BICDL1: variants seen among roughly 807,000 people sequenced by gnomAD.
BICDL1 encodes BICD family-like cargo adapter 1.
Under a neutral mutation model 76.8 loss-of-function variants are expected in BICDL1, and 20 were observed. The ratio of observed to expected loss-of-function variants is 0.26; its 90% CI spans 0.18 to 0.38. The LOEUF (loss-of-function observed/expected upper bound fraction) is 0.38. Ranked by LOEUF, BICDL1 falls within the 10% of genes least tolerant of loss-of-function variation. BICDL1 has a pLI of 1.00. For missense variants in BICDL1, 700 were observed against 798.6 expected (o/e 0.88, Z 1.49); for synonymous variants, 383 against 337.1 (o/e 1.14, Z -1.49).
intron 1 of BICDL1, among the ~76,000 whole-genome samples, chr12:119,996,288 C>T (rs1951644054): frequency 6.6e-6 from 1 of 152,142 alleles, no homozygotes; most frequent in Admixed American, 6.5e-5. Flanking sequence ...CTTTTGACTG[C>T]TCTCAATCAT....
chr12:120,092,563 G>A, intron 9 of BICDL1: 3 of 985,474 alleles, frequency 3.0e-6, no homozygotes, highest in Middle Eastern at 5.2e-4. Flanking sequence ...TTGGGCTGGG[G>A]AGCTGTTAAG....
intron 2 of BICDL1, among the ~76,000 whole-genome samples, chr12:120,026,863 T>C (rs910966547): frequency 6.6e-6 from 1 of 152,090 alleles, no homozygotes; most frequent in African/African-American, 2.4e-5. Context: ...TGACAAAGAC[T>C]TGGCAGTATA....
chr12:120,083,142 C>A (rs909917027), intron 8 of BICDL1, among the ~76,000 whole-genome samples: 2 of 152,194 alleles, frequency 1.3e-5, no homozygotes, highest in Non-Finnish European at 2.9e-5. Flanking sequence ...GGATTACAGG[C>A]ATGAGCCACC....
At chr12:120,013,563 G>A (rs1399011746) in intron 2 of BICDL1, among the ~76,000 whole-genome samples, 1 of 150,798 alleles carries the variant, frequency 6.6e-6, no homozygotes, top group Admixed American at 6.6e-5. Context: ...CTGGGTTCAA[G>A]TGATTCTCCT....
At chr12:120,017,299 A>T (rs895491699) in intron 2 of BICDL1, among the ~76,000 whole-genome samples, 1 of 152,182 alleles carries the variant, frequency 6.6e-6, no homozygotes, top group Non-Finnish European at 1.5e-5. Context: ...TATTAACATG[A>T]TGTGTTCAGT....
chr12:120,009,641 A>G (rs935569824), intron 2 of BICDL1, among the ~76,000 whole-genome samples: 5 of 152,084 alleles, frequency 3.3e-5, no homozygotes, highest in African/African-American at 9.7e-5. Context: ...GGGGCCCCCA[A>G]ATTTTGTACT....
At chr12:120,053,189 A>T (rs545169706) in intron 2 of BICDL1, among the ~76,000 whole-genome samples, 50 of 151,946 alleles carry the variant, frequency 3.3e-4, no homozygotes, top group Non-Finnish European at 6.2e-4. Context: ...AAGCGAAGCA[A>T]TTCTCCTGCC....
At chr12:119,990,986 ATTACT>A (rs1386401495) in intron 1 of BICDL1, among the ~76,000 whole-genome samples, 1 of 152,238 alleles carries the variant, frequency 6.6e-6, no homozygotes, top group Non-Finnish European at 1.5e-5. Flanking sequence ...TGAGAACCAT[ATTACT>A]TTAACTTCTG....
rs1474232687 is a variant in BICDL1 at position 119,989,864 on chromosome 12, G to T, written c.-5G>T. On this transcript the variant is annotated 5_prime_UTR_variant, in exon 1 of 10. Transcript: ENST00000548673. ...GCACCGCTGCGGGCTCCGCGCGCGC[G>T]GGCCATGTCCGCTTTCTGCCTGGGC... 7.4e-6 allele frequency: 10 copies of T among 1,350,648 alleles called. No homozygotes were observed. The South Asian group carries it at 1.5e-4, about 20-fold the overall frequency. The allele number at this position is 1,350,648 out of a possible 1,614,324, so 83.7% of individuals were successfully genotyped here. A position where few individuals can be genotyped will look rare whatever the true frequency, so the allele number is the denominator to read the frequency against.
chr12:120,085,020 G>T (rs561421402), intron 8 of BICDL1, among the ~76,000 whole-genome samples: 31 of 151,272 alleles, frequency 2.0e-4, no homozygotes, highest in Non-Finnish European at 3.1e-4. Flanking sequence ...TTTTCTTTCT[G>T]GTCAGAACCT....
chr12:120,061,126 T>A (rs975486473), intron 2 of BICDL1, among the ~76,000 whole-genome samples: 1 of 152,172 alleles, frequency 6.6e-6, no homozygotes, highest in African/African-American at 2.4e-5. Context: ...CATAAATGGA[T>A]TGAGGTGGGA....
chr12:120,004,836 T>G (rs1023464155), intron 2 of BICDL1, among the ~76,000 whole-genome samples: 5 of 152,196 alleles, frequency 3.3e-5, no homozygotes, highest in African/African-American at 1.2e-4. Flanking sequence ...TTTGTTTGTT[T>G]CTGAGACGGA....
Position 119,994,620 on chromosome 12 carries a change from G to A in BICDL1, c.430-3901G>A, listed in dbSNP as rs188300640. Among the ~76,000 whole-genome samples the A allele has an allele frequency of 3.4e-3, 523 of 152,124 alleles. 1 individual carries two copies. The highest frequency in any genetic ancestry group is 5.1e-3 in the Non-Finnish European group (349 of 67,988). On this transcript the variant is annotated intron_variant, in intron 1 of 9. Transcript: ENST00000548673. ...TTCTCCTGCCTCAGCCTCCTGAGTAGCTGGGACTACTGGTATACACCACCA... is the reference window on the plus strand; with the variant it reads ...TTCTCCTGCCTCAGCCTCCTGAGTAACTGGGACTACTGGTATACACCACCA...
At chr12:120,020,750 A>G (rs1952161718) in intron 2 of BICDL1, among the ~76,000 whole-genome samples, 1 of 152,222 alleles carries the variant, frequency 6.6e-6, no homozygotes, top group Admixed American at 6.5e-5. Context: ...TGATGATTAC[A>G]AGGAGAAAGA....
rs1192260308 is a variant in BICDL1 at position 119,990,255 on chromosome 12, G to A, written c.387G>A (p.Arg129=). Residue 129 remains arginine (R), a synonymous_variant, in exon 1 of 10, where the codon CGG becomes CGA. Transcript: ENST00000548673. The part of the protein sequence containing the change: ...ALLERNQDMS[R]QYEQMHKELT... Reference sequence around the variant, plus strand: ...TCGAGAGGAACCAGGACATGAGCCGGCAGTACGAGCAGATGCATAAGGAGC... The same window carrying A: ...TCGAGAGGAACCAGGACATGAGCCGACAGTACGAGCAGATGCATAAGGAGC... 25 of 1,576,292 alleles carry A rather than the reference G, an allele frequency of 1.6e-5. No homozygotes were observed. Among genetic ancestry groups the A allele is most frequent in the Non-Finnish European group, 2.2e-5 (25 of 1,161,848 alleles).
In BICDL1 at chr12:120,071,553, A is replaced by G; in HGVS notation, c.910-69A>G. 1 of 1,495,724 alleles carries G rather than the reference A, an allele frequency of 6.7e-7. No individual in the cohort carries two copies. Among genetic ancestry groups the G allele is most frequent in the Non-Finnish European group, 8.9e-7 (1 of 1,123,700 alleles). The allele number at this position is 1,495,724 out of a possible 1,614,324, so 92.7% of individuals were successfully genotyped here. A position where few individuals can be genotyped will look rare whatever the true frequency, so the allele number is the denominator to read the frequency against. ...GGTGGTTGGATCCAGAAGCATGATC[A>G]GGTTGAGGGTCAGTTTGTCTTGGTT... is the stretch of plus-strand genomic sequence containing the variant. On this transcript the variant is annotated intron_variant, in intron 4 of 9. Coordinates refer to ENST00000548673, the MANE Select transcript of BICDL1 (RefSeq NM_001367886.1). This position sits in a 1 kb window ranked among gnomAD's most constrained non-coding sequence, Gnocchi z 4.8.
In BICDL1 at chr12:119,989,779, G is replaced by GACGCGGGGCGGCGCGGC. The variant is rs1458247554; in HGVS notation, c.-88_-72dup. 2 of 516,074 alleles carry GACGCGGGGCGGCGCGGC rather than the reference G, an allele frequency of 3.9e-6. No individual in the cohort carries two copies. The highest frequency in any genetic ancestry group is 1.3e-4 in the Admixed American group (2 of 15,066). 32.0% of individuals were successfully genotyped at this position (516,074 alleles called of 1,614,324 possible). ...TGCCGCGGCGCGAGGCGAGGCGCGG[G>GACGCGGGGCGGCGCGGC]ACGCGGGGCGGCGCGGCAGGGCCCC... On this transcript the variant is annotated 5_prime_UTR_variant, in exon 1 of 10. Coordinates refer to ENST00000548673, the MANE Select transcript of BICDL1 (RefSeq NM_001367886.1).
intron 2 of BICDL1, among the ~76,000 whole-genome samples, chr12:120,006,413 A>G (rs966312516): frequency 1.3e-5 from 2 of 152,236 alleles, no homozygotes; most frequent in Non-Finnish European, 2.9e-5. Flanking sequence ...TGTTCTGAGT[A>G]ACAGTGATGC....
intron 2 of BICDL1, among the ~76,000 whole-genome samples, chr12:120,012,508 T>A (rs967914591): frequency 1.5e-4 from 23 of 152,216 alleles, no homozygotes; most frequent in African/African-American, 4.8e-4. Context: ...TGTCCCAGTC[T>A]GGTGATGTTG....
Sources: gnomAD v4.1 joint callset for allele counts (sites outside exome capture counted in the v4.1 genomes callset) on GRCh38, gnomAD v4.1.1 for gene constraint, Gnocchi (gnomAD v3.1) non-coding constraint, MANE v1.5 for transcripts, NCBI Gene and HGNC (gene_info 2026-07-23, HGNC 2026-07-21) for gene names.